TMX2: variants seen among roughly 807,000 people sequenced by gnomAD.
TMX2 encodes thioredoxin related transmembrane protein 2, also known as thioredoxin-related transmembrane protein 2.
A neutral mutation model predicts 33.4 loss-of-function variants in TMX2; 20 were observed. That is an observed-to-expected ratio of 0.60 (90% CI 0.42 to 0.87). The LOEUF is 0.87. Ranked by LOEUF, TMX2 falls within the 40% of genes least tolerant of loss-of-function variation. The pLI, the probability that TMX2 is intolerant of heterozygous loss-of-function variation, is 0.00. For synonymous variants in TMX2, 166 were observed against 140.7 expected (o/e 1.18, Z -1.27); for missense variants, 340 against 370.7 (o/e 0.92, Z 0.68).
At chr11:57,717,046 G>A (rs1292274380) in intron 1 of TMX2, among the ~76,000 whole-genome samples, 4 of 143,574 alleles carry the variant, frequency 2.8e-5, no homozygotes, top group East Asian at 2.1e-4. Context: ...GGGCAGAGGC[G>A]CTCCTCACAT....
intron 1 of TMX2, among the ~76,000 whole-genome samples, chr11:57,715,388 C>A (rs1298964994): frequency 6.6e-6 from 1 of 151,550 alleles, no homozygotes; most frequent in Non-Finnish European, 1.5e-5. Context: ...GCAACAAGAG[C>A]AAAGTTCTGT....
intron 1 of TMX2, among the ~76,000 whole-genome samples, chr11:57,727,041 G>C (rs530552551): frequency 6.6e-6 from 1 of 152,038 alleles, no homozygotes; most frequent in South Asian, 2.1e-4. Flanking sequence ...CTGTCTTTAT[G>C]ATATTTGTTA....
chr11:57,714,821 T>C (rs1946873679), intron 1 of TMX2, among the ~76,000 whole-genome samples: 1 of 152,074 alleles, frequency 6.6e-6, no homozygotes, highest in Non-Finnish European at 1.5e-5. Flanking sequence ...CTTGAACTCC[T>C]GAGCTCAAGG....
At chr11:57,728,329 A>C (rs1948135850) in intron 1 of TMX2, among the ~76,000 whole-genome samples, 1 of 152,006 alleles carries the variant, frequency 6.6e-6, no homozygotes, top group Non-Finnish European at 1.5e-5. Context: ...TGCCTGGCTA[A>C]TTTTTTATAT....
At chr11:57,728,890 C>T (rs1181078487) in intron 1 of TMX2, among the ~76,000 whole-genome samples, 1 of 151,954 alleles carries the variant, frequency 6.6e-6, no homozygotes, top group Admixed American at 6.6e-5. Flanking sequence ...GGATTAATCC[C>T]CAAAAACAAT....
At position 57,740,351 on chromosome 11, in the gene TMX2, C is replaced by T; in HGVS notation, c.*106C>T. ...ATTTATGTTTTCCCTTTGGCTGTGA[C>T]TGGGTGGGGCAGCATGCAGCTTCTG... On this transcript the variant is annotated 3_prime_UTR_variant, in exon 8 of 8. Transcript: ENST00000278422. 1 of 1,333,284 alleles carries T rather than the reference C, an allele frequency of 7.5e-7. No homozygotes were observed. The highest frequency in any genetic ancestry group is 9.9e-7 in the Non-Finnish European group (1 of 1,007,176). 82.6% of individuals were successfully genotyped at this position (1,333,284 alleles called of 1,614,324 possible). A position where few individuals can be genotyped will look rare whatever the true frequency, so the allele number is the denominator to read the frequency against.
chr11:57,740,941 T>G lies in TMX2; in HGVS notation c.*696T>G, dbSNP rs761908688. ...TACTCCCCACACCCAGTTGATGGCT[T>G]TCCGTAATAAAAAGATTGGGATTTC... On this transcript the variant is annotated 3_prime_UTR_variant, in exon 8 of 8. Transcript: ENST00000278422. The G allele has an allele frequency of 6.6e-6, 1 of 152,248 alleles. No homozygotes were observed. Among genetic ancestry groups the G allele is most frequent in the Non-Finnish European group, 1.5e-5 (1 of 68,038 alleles). The allele number at this position is 152,248 out of a possible 1,614,324, so 9.4% of individuals were successfully genotyped here.
chr11:57,723,693 C>G (rs2135524597), intron 1 of TMX2, among the ~76,000 whole-genome samples: 1 of 151,252 alleles, frequency 6.6e-6, no homozygotes, highest in South Asian at 2.1e-4. Context: ...ATCCCAGCTA[C>G]TCGGGAGGCT....
chr11:57,716,145 C>T (rs1054433087), intron 1 of TMX2, among the ~76,000 whole-genome samples: 2 of 152,030 alleles, frequency 1.3e-5, no homozygotes, highest in Non-Finnish European at 2.9e-5. Flanking sequence ...CTCCTCACTT[C>T]CTAGTAGGGG....
chr11:57,740,246 G>T lies in TMX2; in HGVS notation c.*1G>T. 11 of 1,589,462 alleles carry T rather than the reference G, an allele frequency of 6.9e-6. No individual in the cohort carries two copies. The highest frequency in any genetic ancestry group is 9.4e-6 in the Non-Finnish European group (11 of 1,169,070). ...TGGGGAAAACAAGAAGGATAAATAAGATCCTCACTTTGGCAGTGCTTCCTC... is the reference window on the plus strand; with the variant it reads ...TGGGGAAAACAAGAAGGATAAATAATATCCTCACTTTGGCAGTGCTTCCTC... On this transcript the variant is annotated 3_prime_UTR_variant, in exon 8 of 8. Coordinates refer to ENST00000278422, the MANE Select transcript of TMX2 (RefSeq NM_015959.4).
intron 1 of TMX2, among the ~76,000 whole-genome samples, chr11:57,729,323 GT>G (rs531656665): frequency 1.3e-5 from 2 of 150,264 alleles, no homozygotes. Flanking sequence ...TCTAGGTTCT[GT>G]TTTTTTTTCT....
At chr11:57,733,723 G>A (rs1264491088) in intron 1 of TMX2, among the ~76,000 whole-genome samples, 2 of 152,166 alleles carry the variant, frequency 1.3e-5, no homozygotes, top group Non-Finnish European at 2.9e-5. Flanking sequence ...TCTTCTGTAT[G>A]CTTCAAATTA....
intron 4 of TMX2, 107 bp downstream of exon 4, chr11:57,738,537 G>A (rs1269999246): frequency 4.1e-6 from 5 of 1,210,976 alleles, no homozygotes; most frequent in Non-Finnish European, 3.7e-6. Context: ...TGGATGTCAC[G>A]GGCACTGTGG....
Position 57,718,131 on chromosome 11 carries a change from C to G in TMX2, c.189+5324C>G, listed in dbSNP as rs145024615. ...CTCCATGGCCTCTGCAATATTCATG[C>G]CTTCTTTCACCTTGCCAAAGACCAC... On this transcript the variant is annotated intron_variant, in intron 1 of 7. Transcript: ENST00000278422. 1.1e-3 allele frequency: 1,302 copies of G among 1,178,798 alleles called. 2 individuals carry two copies. The highest frequency in any genetic ancestry group is 3.1e-3 in the Middle Eastern group (16 of 5,218). 73.0% of individuals were successfully genotyped at this position (1,178,798 alleles called of 1,614,324 possible).
chr11:57,727,436 G>A (rs1417606316), intron 1 of TMX2, among the ~76,000 whole-genome samples: 1 of 152,170 alleles, frequency 6.6e-6, no homozygotes, highest in Non-Finnish European at 1.5e-5. Flanking sequence ...TTTTGGCCAA[G>A]AGAGGGGACT....
Position 57,716,254 on chromosome 11 carries a change from C to T in TMX2, c.189+3447C>T, listed in dbSNP as rs558787773. On this transcript the variant is annotated intron_variant, in intron 1 of 7. Coordinates refer to ENST00000278422, the MANE Select transcript of TMX2 (RefSeq NM_015959.4). Reference sequence around the variant, plus strand: ...CTCCTGGACGGGGCGGATGGCCGGGCGGGGGGCTGACCCCCCCCCACCTCC... The same window carrying T: ...CTCCTGGACGGGGCGGATGGCCGGGTGGGGGGCTGACCCCCCCCCACCTCC... Among the ~76,000 whole-genome samples, 1,153 of 147,118 alleles carry T rather than the reference C, an allele frequency of 7.8e-3. 19 individuals are homozygous for T. The highest frequency in any genetic ancestry group is 0.027 in the African/African-American group (1,080 of 39,956).
chr11:57,724,355 G>C (rs1393892728), intron 1 of TMX2, among the ~76,000 whole-genome samples: 1 of 152,090 alleles, frequency 6.6e-6, no homozygotes, highest in Admixed American at 6.6e-5. Context: ...GAAGCAGTTA[G>C]TATGTTTCAT....
chr11:57,713,083 A>C (rs543841675), intron 1 of TMX2, among the ~76,000 whole-genome samples: 5 of 152,338 alleles, frequency 3.3e-5, no homozygotes, highest in Non-Finnish European at 5.9e-5. Context: ...ATTGAGACTA[A>C]TTAACAGCCC....
rs919678649 is a variant in TMX2, at chr11:57,724,069, TA to T, written c.189+11270del. On this transcript the variant is annotated intron_variant, in intron 1 of 7. Transcript: ENST00000278422. ...ATTGGTATCATTCAGCTTCTTTTTT[TA>T]AAAAAAACTTTAGTGGATTGTGAAA... Among the ~76,000 whole-genome samples, 3 of 151,602 alleles carry T rather than the reference TA, an allele frequency of 2.0e-5. No homozygotes were observed. In the East Asian group the frequency reaches 5.8e-4, roughly 29 times the overall value.
Sources: allele counts gnomAD v4.1 joint callset (sites outside exome capture counted in the v4.1 genomes callset), GRCh38; gene constraint gnomAD v4.1.1; transcripts MANE v1.5; gene names NCBI Gene and HGNC (gene_info 2026-07-23, HGNC 2026-07-21).